Variants in ABLIM3 observed in about 807,000 individuals in gnomAD.
ABLIM3 encodes the protein actin binding LIM protein family member 3.
ABLIM3 carries 61 observed loss-of-function variants against 109.5 expected under a neutral mutation model. The ratio of observed to expected loss-of-function variants is 0.56; its 90% CI spans 0.45 to 0.69. The LOEUF (loss-of-function observed/expected upper bound fraction) is 0.69. Among genes scored for constraint, ABLIM3 ranks in the 30% least tolerant of loss-of-function variants. The probability of loss-of-function intolerance (pLI) is 0.00; values close to 1 mark genes in which losing one functional copy is unlikely to be tolerated. For synonymous variants in ABLIM3, 300 were observed against 324.8 expected, an observed-to-expected ratio of 0.92 and a Z score of 0.82; for missense variants, 796 against 889.5, an observed-to-expected ratio of 0.89 and a Z score of 1.34.
chr5:149,241,606 A>G (rs1752853106), intron 14 of ABLIM3, among the ~76,000 whole-genome samples: 1 of 152,204 alleles, frequency 6.6e-6, no homozygotes, highest in Admixed American at 6.5e-5. Context: ...TAAAAATATA[A>G]AAATTAGCTG....
intron 5 of ABLIM3, among the ~76,000 whole-genome samples, chr5:149,201,562 T>C (rs1272128092): frequency 1.3e-5 from 2 of 152,182 alleles, no homozygotes; most frequent in Non-Finnish European, 2.9e-5. Flanking sequence ...CTCCCTTGCC[T>C]GCTCTTCCTT....
intron 10 of ABLIM3, among the ~76,000 whole-genome samples, 187 bp from the exon 11 acceptor site, chr5:149,237,261 T>C (rs1474064638): frequency 6.6e-6 from 1 of 152,254 alleles, no homozygotes; most frequent in African/African-American, 2.4e-5. Flanking sequence ...GTTAGCCCTG[T>C]TGGAATGGAT....
At chr5:149,175,173 T>G (rs1335626023) in intron 2 of ABLIM3, among the ~76,000 whole-genome samples, 3 of 152,228 alleles carry the variant, frequency 2.0e-5, no homozygotes, top group African/African-American at 7.2e-5. Context: ...ATTCCTCAGA[T>G]ACTTTTTATA....
chr5:149,213,651 C>G (rs950450602), intron 7 of ABLIM3, among the ~76,000 whole-genome samples: 1 of 152,130 alleles, frequency 6.6e-6, no homozygotes, highest in Non-Finnish European at 1.5e-5. Flanking sequence ...ATTTGTTCAG[C>G]ATTTCCAAGC....
chr5:149,249,262 C>G (rs907175894), intron 18 of ABLIM3, among the ~76,000 whole-genome samples: 2 of 152,208 alleles, frequency 1.3e-5, no homozygotes, highest in Non-Finnish European at 2.9e-5. Flanking sequence ...TATGATAAAG[C>G]CAGTCTTATG....
chr5:149,198,986 G>C lies in ABLIM3; in HGVS notation c.335+584G>C. ...TTAGCTCAGTGATCAGTATGTGAGA[G>C]TGTCTGTTTTTATTATCCTTTTCAT... On this transcript the variant is annotated intron_variant, in intron 4 of 23. Transcript: ENST00000309868. This position sits in a 1 kb window ranked among gnomAD's most constrained non-coding sequence, Gnocchi z 4.2. 2.2e-6 allele frequency: 1 copy of C among 453,394 alleles called. No homozygotes were observed. Among genetic ancestry groups the C allele is most frequent in the Non-Finnish European group, 4.4e-6 (1 of 225,200 alleles). The allele number at this position is 453,394 out of a possible 1,614,324, so 28.1% of individuals were successfully genotyped here. A position where few individuals can be genotyped will look rare whatever the true frequency, so the allele number is the denominator to read the frequency against.
intron 2 of ABLIM3, among the ~76,000 whole-genome samples, chr5:149,152,632 C>T (rs1187850086): frequency 6.6e-6 from 1 of 152,156 alleles, no homozygotes; most frequent in Non-Finnish European, 1.5e-5. Context: ...TTCTGGATAA[C>T]TGATCCCAGA....
chr5:149,155,757 G>A (rs1054397610), intron 2 of ABLIM3, among the ~76,000 whole-genome samples: 15 of 152,204 alleles, frequency 9.9e-5, no homozygotes, highest in African/African-American at 3.6e-4. Context: ...GGAACTGTTA[G>A]GAAGTCCAGT....
intron 23 of ABLIM3, 30 bp from the exon 24 acceptor site, chr5:149,258,261 C>T: frequency 6.2e-7 from 1 of 1,602,700 alleles, no homozygotes; most frequent in Non-Finnish European, 8.5e-7. Context: ...TTCTCTGTCC[C>T]CCCACCCCCG....
intron 2 of ABLIM3, among the ~76,000 whole-genome samples, chr5:149,171,103 G>A (rs1385889379): frequency 1.3e-5 from 2 of 152,006 alleles, no homozygotes; most frequent in East Asian, 3.9e-4. Context: ...CTATTTGTGG[G>A]TATAATTTAG....
rs540967171 is a variant in ABLIM3, at chr5:149,236,752, T to C, written c.889-696T>C. Among the ~76,000 whole-genome samples the C allele has an allele frequency of 3.7e-4, 56 of 152,224 alleles. 3 individuals are homozygous for C. In the South Asian group the frequency reaches 0.011, roughly 31 times the overall value. ...GGAGAGGCCGCTGAAGAGGGCAAGC[T>C]CCCTGTGTTGAAACTTGGGCTCTTG... On this transcript the variant is annotated intron_variant, in intron 10 of 23. Transcript: ENST00000309868.
At chr5:149,215,350 ACT>A (rs1759957958) in intron 7 of ABLIM3, among the ~76,000 whole-genome samples, 1 of 152,174 alleles carries the variant, frequency 6.6e-6, no homozygotes, top group African/African-American at 2.4e-5. Flanking sequence ...TGACAAGGAC[ACT>A]GTCTCATTGG....
chr5:149,246,173 A>G (rs1380154957), intron 16 of ABLIM3, among the ~76,000 whole-genome samples: 2 of 152,150 alleles, frequency 1.3e-5, no homozygotes, highest in African/African-American at 2.4e-5. Flanking sequence ...AAATTTAAAA[A>G]TTTAATAAAA....
chr5:149,178,838 T>G (rs2127470179), intron 2 of ABLIM3, among the ~76,000 whole-genome samples: 1 of 152,314 alleles, frequency 6.6e-6, no homozygotes, highest in Admixed American at 6.5e-5. Context: ...CAGAATCATG[T>G]AACAAGAGGG....
In ABLIM3 at chr5:149,244,978, G is replaced by A. The variant is rs563171577; in HGVS notation, c.1449G>A (p.Ser483=). 16 of 1,614,116 alleles carry A rather than the reference G, an allele frequency of 9.9e-6. No individual in the cohort carries two copies. The highest frequency in any genetic ancestry group is 3.3e-5 in the South Asian group (3 of 91,070). ...ACTCGCCAGACCCCTACTATGCTTC[G>A]GAGTCTGAGTACTGGACCTACCATG... is the stretch of plus-strand genomic sequence containing the variant. ...PIYSPDPYYA[S]ESEYWTYHGS... is the part of the protein sequence containing the mutation. Residue 483 remains serine, a synonymous_variant, in exon 16 of 24, where the codon TCG becomes TCA. Coordinates refer to ENST00000309868, the MANE Select transcript of ABLIM3 (RefSeq NM_014945.5).
intron 2 of ABLIM3, among the ~76,000 whole-genome samples, chr5:149,146,942 A>G (rs185738593): frequency 1.0e-3 from 159 of 152,318 alleles, no homozygotes; most frequent in African/African-American, 3.4e-3. Context: ...CTTCCAATCC[A>G]TGAGCATGGA....
chr5:149,151,216 T>C (rs1421110039), intron 2 of ABLIM3, among the ~76,000 whole-genome samples: 1 of 152,212 alleles, frequency 6.6e-6, no homozygotes, highest in Non-Finnish European at 1.5e-5. Context: ...CCTGAGTCTT[T>C]TCACATCACC....
intron 8 of ABLIM3, among the ~76,000 whole-genome samples, chr5:149,229,313 G>C (rs1761614246): frequency 6.6e-6 from 1 of 152,180 alleles, no homozygotes; most frequent in African/African-American, 2.4e-5. Context: ...TATGTCGGCA[G>C]ACAAAAATCA....
At chr5:149,213,059 G>T (rs752240117) in intron 7 of ABLIM3, among the ~76,000 whole-genome samples, 8 of 152,192 alleles carry the variant, frequency 5.3e-5, no homozygotes, top group Non-Finnish European at 1.2e-4. Context: ...GTTGCAATAA[G>T]TTGAGATTGC....
Sources: allele counts gnomAD v4.1 joint callset (sites outside exome capture counted in the v4.1 genomes callset), GRCh38; gene constraint gnomAD v4.1.1; non-coding constraint Gnocchi (gnomAD v3.1); transcripts MANE v1.5; gene names NCBI Gene and HGNC (gene_info 2026-07-23, HGNC 2026-07-21).